Variants in AHRR observed in about 807,000 individuals in gnomAD.
The protein encoded by AHRR is ahR repressor.
In AHRR, 28 loss-of-function variants were observed where a neutral mutation model predicts 44.0. The ratio of observed to expected loss-of-function variants is 0.64; its 90% CI spans 0.47 to 0.87. AHRR has a LOEUF of 0.87. AHRR is among the 40% of genes least tolerant of loss of function. The probability of loss-of-function intolerance (pLI) is 0.00; values close to 1 mark genes in which losing one functional copy is unlikely to be tolerated. For missense variants in AHRR, 990 were observed against 953.9 expected (o/e 1.04, Z -0.50); for synonymous variants, 434 against 407.0 (o/e 1.07, Z -0.80).
chr5:431,314 A>T (rs182238182), intron 8 of AHRR, among the ~76,000 whole-genome samples: 26 of 152,386 alleles, frequency 1.7e-4, no homozygotes, highest in Admixed American at 1.6e-3. Flanking sequence ...CCCAAGGCAC[A>T]TAAAGCTGGC....
intron 3 of AHRR, 138 bp downstream of exon 3, chr5:354,049 C>T (rs911940951): frequency 3.1e-6 from 3 of 952,912 alleles, no homozygotes; most frequent in Non-Finnish European, 4.6e-6. Context: ...CACGCTGCCC[C>T]CAGAACCTGG....
intron 4 of AHRR, among the ~76,000 whole-genome samples, chr5:409,656 GTT>G (rs372901568): frequency 0.36 from 53,401 of 147,754 alleles, 10,093 homozygotes; most frequent in African/African-American, 0.48. Flanking sequence ...GTTTAAAATT[GTT>G]TTTTTTTTTA....
chr5:340,127 T>C (rs1452398506), intron 1 of AHRR, among the ~76,000 whole-genome samples: 1 of 152,226 alleles, frequency 6.6e-6, no homozygotes, highest in Non-Finnish European at 1.5e-5. Flanking sequence ...ATTATTTCTT[T>C]ACATTGGTAG....
At position 342,267 on chromosome 5, in the gene AHRR, G is replaced by A. The variant is rs1396287416; in HGVS notation, c.-10-1626G>A. Among the ~76,000 whole-genome samples the A allele has an allele frequency of 6.6e-6, 1 of 152,166 alleles. No individual in the cohort carries two copies. Among genetic ancestry groups the A allele is most frequent in the East Asian group, 1.9e-4 (1 of 5,186 alleles). ...ACTTGTTCTATTGATCACTGAGATA[G>A]GAATGTTAATGTCTCCCATGAATTA... On this transcript the variant is annotated intron_variant, in intron 1 of 10. Transcript: ENST00000684583. The surrounding 1 kb of genome is among the most constrained non-coding windows in gnomAD (Gnocchi z 4.3).
chr5:344,851 G>GGT (rs757690919), intron 2 of AHRR, among the ~76,000 whole-genome samples: 2,558 of 104,528 alleles, frequency 0.024, 617 homozygotes, highest in African/African-American at 0.19. Flanking sequence ...GTGTGTGTGG[G>GGT]GTGTGTGAGA....
At position 383,231 on chromosome 5, in the gene AHRR, G is replaced by A. The variant is rs1190185151; in HGVS notation, c.351+6515G>A. Among the ~76,000 whole-genome samples the A allele has an allele frequency of 1.3e-5, 2 of 152,228 alleles. No individual in the cohort carries two copies. Among genetic ancestry groups the A allele is most frequent in the South Asian group, 2.1e-4 (1 of 4,836 alleles). ...ACTGGGAAAATAGGGGTATTCCACT[G>A]TCATTGTGTGAGTTGTTCTGTAAAC... On this transcript the variant is annotated intron_variant, in intron 4 of 10. Coordinates refer to ENST00000684583, the MANE Select transcript of AHRR (RefSeq NM_001377236.1). This position sits in a 1 kb window ranked among gnomAD's most constrained non-coding sequence, Gnocchi z 4.0.
intron 4 of AHRR, among the ~76,000 whole-genome samples, chr5:396,535 T>A (rs1447824530): frequency 6.6e-6 from 1 of 152,218 alleles, no homozygotes; most frequent in East Asian, 1.9e-4. Flanking sequence ...TGGCCTCATC[T>A]CCTGGCCTGG....
At position 435,171 on chromosome 5, in the gene AHRR, C is replaced by G; in HGVS notation, c.*337C>G. 3.5e-6 allele frequency: 1 copy of G among 285,424 alleles called. No homozygotes were observed. The allele number at this position is 285,424 out of a possible 1,614,324, so 17.7% of individuals were successfully genotyped here. A position where few individuals can be genotyped will look rare whatever the true frequency, so the allele number is the denominator to read the frequency against. ...AGCACCCGTCCCATGGCTGCCAAGT[C>G]CACAGTCGGGGATGAAGCAGTCGGG... On this transcript the variant is annotated 3_prime_UTR_variant, in exon 11 of 11. Transcript: ENST00000684583.
intron 4 of AHRR, among the ~76,000 whole-genome samples, chr5:389,459 G>A (rs1173472586): frequency 6.6e-6 from 1 of 152,222 alleles, no homozygotes. Context: ...GGAGCCACGT[G>A]CTGCGTAGCC....
At chr5:334,207 C>T (rs911521170) in intron 1 of AHRR, among the ~76,000 whole-genome samples, 6 of 152,166 alleles carry the variant, frequency 3.9e-5, no homozygotes, top group East Asian at 1.9e-4. Context: ...CTTTTTTGCA[C>T]GATGTTTTCC....
chr5:377,938 G>A (rs1437984863), intron 4 of AHRR, among the ~76,000 whole-genome samples: 1 of 152,206 alleles, frequency 6.6e-6, no homozygotes, highest in East Asian at 1.9e-4. Flanking sequence ...CTGCTGCCTG[G>A]CCTGACTCCC....
chr5:374,375 A>G (rs1743704297), intron 3 of AHRR, among the ~76,000 whole-genome samples: 1 of 152,172 alleles, frequency 6.6e-6, no homozygotes, highest in Admixed American at 6.5e-5. Flanking sequence ...CACTGTTAAA[A>G]ACCTTCAGCT....
intron 1 of AHRR, chr5:343,498 C>CGG (rs1742437826): frequency 1.0e-4 from 24 of 239,610 alleles, no homozygotes; most frequent in Admixed American, 2.5e-4. Context: ...TCCCGCGTGA[C>CGG]GAGTGTTTGG....
rs776042722 is a variant in AHRR at position 427,956 on chromosome 5, G to A, written c.858G>A (p.Ala286=). The change falls in exon 8 of 11, where the codon GCG becomes GCA. Residue 286 remains alanine, a synonymous_variant. Coordinates refer to ENST00000684583, the MANE Select transcript of AHRR (RefSeq NM_001377236.1). ...PSAAEMKMRS[A]LLRAKPRADT... ...CAGCGGAGATGAAAATGAGGAGCGCGCTCCTGAGGGCAAAACCCAGAGCAG... is the reference window on the plus strand; with the variant it reads ...CAGCGGAGATGAAAATGAGGAGCGCACTCCTGAGGGCAAAACCCAGAGCAG... The A allele has an allele frequency of 5.6e-6, 9 of 1,613,998 alleles. No individual in the cohort carries two copies. Among genetic ancestry groups the A allele is most frequent in the African/African-American group, 4.0e-5 (3 of 75,062 alleles).
chr5:321,767 A>G lies in AHRR; in HGVS notation c.-63A>G, dbSNP rs1741500112. The G allele has an allele frequency of 6.6e-6, 1 of 151,474 alleles. No homozygotes were observed. The highest frequency in any genetic ancestry group is 2.1e-4 in the South Asian group (1 of 4,828). 9.4% of individuals were successfully genotyped at this position (151,474 alleles called of 1,614,324 possible). ...GCACCCGCCGCCACAGCTCCTGGCC[A>G]GGGCGCGCTGCCCCGCGGGTGTGCC... On this transcript the variant is annotated 5_prime_UTR_variant, in exon 1 of 11. Coordinates refer to ENST00000684583, the MANE Select transcript of AHRR (RefSeq NM_001377236.1). The surrounding 1 kb of genome is among the most constrained non-coding windows in gnomAD (Gnocchi z 8.3).
chr5:370,038 C>A lies in AHRR; in HGVS notation c.245-6572C>A, dbSNP rs1441551068. 2.6e-5 allele frequency among the ~76,000 whole-genome samples: 4 copies of A among 152,038 alleles called. No homozygotes were observed. On this transcript the variant is annotated intron_variant, in intron 3 of 10. Coordinates refer to ENST00000684583, the MANE Select transcript of AHRR (RefSeq NM_001377236.1). This position sits in a 1 kb window ranked among gnomAD's most constrained non-coding sequence, Gnocchi z 4.5. ...TCTTGGCTCTGAGAGCACTGCCCTG[C>A]CCTCCCGGGCTCTTGCTGGTGCCCC...
intron 2 of AHRR, among the ~76,000 whole-genome samples, chr5:345,441 G>GGTGT (rs141357680): frequency 1.2e-5 from 1 of 81,568 alleles, no homozygotes; most frequent in Non-Finnish European, 2.0e-5. Context: ...TGCGTGTGTG[G>GGTGT]GTGTGTGTGT....
At position 435,216 on chromosome 5, in the gene AHRR, G is replaced by T. The variant is rs1275295859; in HGVS notation, c.*382G>T. On this transcript the variant is annotated 3_prime_UTR_variant, in exon 11 of 11. Coordinates refer to ENST00000684583, the MANE Select transcript of AHRR (RefSeq NM_001377236.1). ...GTCGGGTGATGCTCCCAAGTCCGCA[G>T]TCGGGGATGAAGCGGTCGGGTGATG... The T allele has an allele frequency of 1.8e-5, 4 of 216,486 alleles. No individual in the cohort carries two copies. Among genetic ancestry groups the T allele is most frequent in the African/African-American group, 2.8e-5 (1 of 35,224 alleles). The allele number at this position is 216,486 out of a possible 1,614,324, so 13.4% of individuals were successfully genotyped here. A position where few individuals can be genotyped will look rare whatever the true frequency, so the allele number is the denominator to read the frequency against.
At chr5:343,588 C>A (rs1297771777) in intron 1 of AHRR, 1 of 400,890 alleles carries the variant, frequency 2.5e-6, no homozygotes, top group Non-Finnish European at 4.5e-6. Context: ...CCTCAGGACG[C>A]CGGTCTCCCG....
Sources: allele counts gnomAD v4.1 joint callset (sites outside exome capture counted in the v4.1 genomes callset), GRCh38; gene constraint gnomAD v4.1.1; non-coding constraint Gnocchi (gnomAD v3.1); transcripts MANE v1.5; gene names NCBI Gene and HGNC (gene_info 2026-07-23, HGNC 2026-07-21).